Variants in RELN observed in about 807,000 individuals in gnomAD.
RELN encodes reelin.
In RELN, 108 loss-of-function variants were observed where a neutral mutation model predicts 427.6. That is an observed-to-expected ratio of 0.25 (90% confidence interval 0.22 to 0.30). RELN has a LOEUF of 0.30. Among genes scored for constraint, RELN ranks in the 10% least tolerant of loss-of-function variants. The pLI, the probability that RELN is intolerant of heterozygous loss-of-function variation, is 1.00. For missense variants in RELN, 3,715 were observed against 4,302.8 expected, an observed-to-expected ratio of 0.86 and a Z score of 3.82; for synonymous variants, 1,524 against 1,513.4, an observed-to-expected ratio of 1.01 and a Z score of -0.16.
intron 35 of RELN, 48 bp downstream of exon 35, chr7:103,561,765 T>C: frequency 6.2e-7 from 1 of 1,613,824 alleles, no homozygotes; most frequent in Non-Finnish European, 8.5e-7. Flanking sequence ...ACAAGCCATA[T>C]TTATTTTTGC....
intron 51 of RELN, among the ~76,000 whole-genome samples, chr7:103,509,653 A>G (rs566417274): frequency 1.4e-4 from 22 of 152,344 alleles, no homozygotes; most frequent in African/African-American, 4.3e-4. Flanking sequence ...AAGTAGACCA[A>G]TGGGATCTAA....
intron 1 of RELN, among the ~76,000 whole-genome samples, chr7:103,980,362 C>T (rs577053168): frequency 2.0e-5 from 3 of 152,110 alleles, no homozygotes; most frequent in Admixed American, 2.0e-4. Context: ...GAATTATGGA[C>T]TTATGGGTAC....
At chr7:103,577,196 C>T (rs1831023691) in intron 28 of RELN, among the ~76,000 whole-genome samples, 1 of 152,176 alleles carries the variant, frequency 6.6e-6, no homozygotes, top group Admixed American at 6.5e-5. Flanking sequence ...ACAGCTCCCT[C>T]TCCCCTCTAT....
At chr7:103,690,940 G>A (rs886842534) in intron 10 of RELN, among the ~76,000 whole-genome samples, 3 of 152,024 alleles carry the variant, frequency 2.0e-5, no homozygotes, top group Admixed American at 6.6e-5. Context: ...GCAAGGCCAC[G>A]GACTTGGAAA....
chr7:103,891,588 C>T (rs920581371), intron 2 of RELN, among the ~76,000 whole-genome samples: 9 of 152,140 alleles, frequency 5.9e-5, no homozygotes, highest in Admixed American at 4.6e-4. Flanking sequence ...TACTCCACCT[C>T]AGCAACACTT....
At chr7:103,505,990 A>G (rs758843044) in intron 51 of RELN, among the ~76,000 whole-genome samples, 46 of 152,236 alleles carry the variant, frequency 3.0e-4, no homozygotes, top group Non-Finnish European at 6.2e-4. Context: ...AAAGAATATC[A>G]GAGAATGAAG....
intron 10 of RELN, among the ~76,000 whole-genome samples, chr7:103,689,111 T>C (rs61411045): frequency 0.031 from 4,793 of 152,226 alleles, 243 homozygotes; most frequent in African/African-American, 0.11. Flanking sequence ...TTTAAATACA[T>C]GTGATCAAAT....
At chr7:103,551,791 G>C (rs1447114233) in intron 40 of RELN, among the ~76,000 whole-genome samples, 3 of 151,970 alleles carry the variant, frequency 2.0e-5, no homozygotes, top group Non-Finnish European at 4.4e-5. Flanking sequence ...TCATTTCCCT[G>C]GCACAGGGAA....
At chr7:103,524,111 A>G (rs1829770239) in intron 46 of RELN, among the ~76,000 whole-genome samples, 2 of 152,214 alleles carry the variant, frequency 1.3e-5, no homozygotes, top group Admixed American at 6.5e-5. Flanking sequence ...CAGAAACAAA[A>G]ACGAATCCTA....
chr7:103,622,136 G>A (rs1832234965), intron 20 of RELN, among the ~76,000 whole-genome samples: 1 of 152,170 alleles, frequency 6.6e-6, no homozygotes, highest in Non-Finnish European at 1.5e-5. Context: ...TTGTTCAGTG[G>A]TCTGTCTCCT....
rs190705671 is a variant in RELN at position 103,875,418 on chromosome 7, G to T, written c.337+41657C>A. Among the ~76,000 whole-genome samples the T allele has an allele frequency of 1.4e-3, 210 of 152,074 alleles. 1 individual carries two copies. The highest frequency in any genetic ancestry group is 4.9e-3 in the African/African-American group (205 of 41,482). On this transcript the variant is annotated intron_variant, in intron 2 of 64. Transcript: ENST00000428762. ...AAAGAAACTACCATCAGAGTGAACA[G>T]GCAACCTACAAAATGGGAGTATATG...
chr7:103,659,150 A>C (rs555406483), intron 12 of RELN, among the ~76,000 whole-genome samples: 5 of 152,060 alleles, frequency 3.3e-5, no homozygotes, highest in Admixed American at 2.0e-4. Flanking sequence ...TCTTAACATA[A>C]GCAACATCAA....
At chr7:103,743,943 A>G (rs1790744515) in intron 6 of RELN, among the ~76,000 whole-genome samples, 1 of 152,192 alleles carries the variant, frequency 6.6e-6, no homozygotes, top group Non-Finnish European at 1.5e-5. Context: ...TCTCCACCCC[A>G]AATCAACAGA....
intron 8 of RELN, among the ~76,000 whole-genome samples, chr7:103,714,907 T>G (rs150414387): frequency 6.6e-6 from 1 of 152,324 alleles, no homozygotes; most frequent in African/African-American, 2.4e-5. Context: ...AGAACTGTTC[T>G]TGACAGAGCA....
intron 22 of RELN, among the ~76,000 whole-genome samples, chr7:103,608,254 A>C (rs781290105): frequency 1.3e-5 from 2 of 152,218 alleles, no homozygotes; most frequent in Non-Finnish European, 2.9e-5. Flanking sequence ...CTTTATTTTT[A>C]TGGCAGAGCT....
intron 1 of RELN, among the ~76,000 whole-genome samples, chr7:103,960,124 G>A (rs781038293): frequency 3.3e-5 from 5 of 152,198 alleles, no homozygotes; most frequent in African/African-American, 1.2e-4. Context: ...AGATTATGTC[G>A]TTCCTTGGCT....
At chr7:103,817,635 T>G (rs1021699228) in intron 3 of RELN, among the ~76,000 whole-genome samples, 1 of 152,116 alleles carries the variant, frequency 6.6e-6, no homozygotes, top group Non-Finnish European at 1.5e-5. Flanking sequence ...AAATTTTACT[T>G]TCCCAGTGAA....
At chr7:103,627,606 AG>A (rs1222902029) in intron 20 of RELN, among the ~76,000 whole-genome samples, 2 of 150,022 alleles carry the variant, frequency 1.3e-5, no homozygotes, top group Non-Finnish European at 1.5e-5. Context: ...TATCACCACC[AG>A]GGTATACTCT....
At chr7:103,830,677 G>T (rs1793253521) in intron 3 of RELN, among the ~76,000 whole-genome samples, 1 of 151,926 alleles carries the variant, frequency 6.6e-6, no homozygotes, top group South Asian at 2.1e-4. Context: ...GTAAAAAATT[G>T]CAAGAATTTA....
Sources: gnomAD v4.1 joint callset for allele counts (sites outside exome capture counted in the v4.1 genomes callset) on GRCh38, gnomAD v4.1.1 for gene constraint, MANE v1.5 for transcripts, NCBI Gene and HGNC (gene_info 2026-07-23, HGNC 2026-07-21) for gene names.